The following FRY variants were observed in gnomAD, a reference collection of about 807,000 sequenced individuals.
The protein encoded by FRY is FRY microtubule binding protein, also known as protein furry homolog.
Under a neutral mutation model 348.4 loss-of-function variants are expected in FRY, and 128 were observed. That is an observed-to-expected ratio of 0.37 (90% CI 0.32 to 0.43). The LOEUF (loss-of-function observed/expected upper bound fraction) is 0.43. FRY is among the 20% of genes least tolerant of loss of function. The pLI, the probability that FRY is intolerant of heterozygous loss-of-function variation, is 1.00. For synonymous variants in FRY, 1,370 were observed against 1,374.7 expected (o/e 1.00, Z 0.08); for missense variants, 2,736 against 3,695.2 (o/e 0.74, Z 6.73).
In FRY at chr13:32,221,109, G is replaced by A. The variant is rs559803980; in HGVS notation, c.4765+2278G>A. ...GACCTTTTCCACTGAAACCCTCTTA[G>A]CCACATCCCATGAAAAGTGGGATGT... On this transcript the variant is annotated intron_variant, in intron 36 of 60. Coordinates refer to ENST00000542859, the MANE Select transcript of FRY (RefSeq NM_023037.3). Among the ~76,000 whole-genome samples, 4 of 152,226 alleles carry A rather than the reference G, an allele frequency of 2.6e-5. No homozygotes were observed. The South Asian group carries it at 8.3e-4, about 32-fold the overall frequency.
intron 16 of FRY, among the ~76,000 whole-genome samples, chr13:32,159,682 C>T (rs1881330452): frequency 6.6e-6 from 1 of 152,124 alleles, no homozygotes; most frequent in South Asian, 2.1e-4. Context: ...AGAGTTCGCC[C>T]TTACACTTCA....
At chr13:32,162,935 G>C (rs969214449) in intron 17 of FRY, among the ~76,000 whole-genome samples, 1 of 152,214 alleles carries the variant, frequency 6.6e-6, no homozygotes, top group Non-Finnish European at 1.5e-5. Flanking sequence ...TTCAGGGCAA[G>C]GGGAAGACCT....
chr13:32,149,602 C>A (rs898192621), intron 13 of FRY, 146 bp from the exon 14 acceptor site: 23 of 664,872 alleles, frequency 3.5e-5, no homozygotes, highest in Middle Eastern at 7.8e-4. Context: ...GGTCTTCCTC[C>A]AGGTTCTCTG....
intron 1 of FRY, among the ~76,000 whole-genome samples, chr13:32,050,897 A>G (rs1469306838): frequency 1.3e-5 from 2 of 152,244 alleles, no homozygotes; most frequent in East Asian, 3.8e-4. Context: ...AGTTCTCTGA[A>G]TAAATATTGC....
chr13:32,043,197 C>A (rs1035832948), intron 1 of FRY, among the ~76,000 whole-genome samples: 1 of 152,148 alleles, frequency 6.6e-6, no homozygotes, highest in Non-Finnish European at 1.5e-5. Flanking sequence ...GTATTCACTA[C>A]CACGAGAACA....
Position 32,223,008 on chromosome 13 carries a change from C to T in FRY, c.4766-1227C>T, listed in dbSNP as rs139666832. On this transcript the variant is annotated intron_variant, in intron 36 of 60. Transcript: ENST00000542859. ...TTGCTCTGTCAGCCAGGCTGGAGTG[C>T]AGTGGCATGATCTCGGCTCACTGCA... Among the ~76,000 whole-genome samples the T allele has an allele frequency of 3.6e-3, 554 of 152,212 alleles. 2 individuals carry two copies. The highest frequency in any genetic ancestry group is 0.012 in the African/African-American group (502 of 41,516).
chr13:32,154,602 G>A (rs948150418), intron 14 of FRY, among the ~76,000 whole-genome samples: 1 of 152,152 alleles, frequency 6.6e-6, no homozygotes. Context: ...ACTGTGTTAA[G>A]GATGAAAGTT....
In FRY at chr13:32,168,792, A is replaced by G. The variant is rs1372308403; in HGVS notation, c.1893-2220A>G. ...AACTAAAGAGCTTTTTACCTGATTT[A>G]TATTGTCAAACTGGACCAATTGGTG... On this transcript the variant is annotated intron_variant, in intron 17 of 60. Coordinates refer to ENST00000542859, the MANE Select transcript of FRY (RefSeq NM_023037.3). Among the ~76,000 whole-genome samples the G allele has an allele frequency of 2.6e-5, 4 of 152,216 alleles. No homozygotes were observed. In the East Asian group the frequency reaches 5.8e-4, roughly 22 times the overall value.
chr13:32,075,323 C>G (rs117709779), intron 1 of FRY, among the ~76,000 whole-genome samples: 3,767 of 152,200 alleles, frequency 0.025, 65 homozygotes, highest in Non-Finnish European at 0.038. Flanking sequence ...CAGTCAAAGC[C>G]CTCAAGCCTG....
chr13:32,151,222 G>A (rs1485166337), intron 14 of FRY, among the ~76,000 whole-genome samples: 3 of 152,144 alleles, frequency 2.0e-5, no homozygotes, highest in Admixed American at 6.5e-5. Flanking sequence ...ATGTATTCTT[G>A]GTTCTTTTCT....
At chr13:32,064,407 C>A (rs962241478) in intron 1 of FRY, among the ~76,000 whole-genome samples, 9 of 150,976 alleles carry the variant, frequency 6.0e-5, no homozygotes, top group African/African-American at 1.7e-4. Context: ...ACAGATATGT[C>A]CCCCCTGCAT....
chr13:32,268,690 G>A lies in FRY; in HGVS notation c.8136+1331G>A, dbSNP rs577054028. The stretch of plus-strand genomic sequence containing the variant: ...TCAATTTCCTATTTTTTGGGGGGGT[G>A]GGGAGACAGAATCTTGTTCTGTCGC... On this transcript the variant is annotated intron_variant, in intron 55 of 60. Transcript: ENST00000542859. Among the ~76,000 whole-genome samples, 8 of 149,516 alleles carry A rather than the reference G, an allele frequency of 5.4e-5. No homozygotes were observed. In the South Asian group the frequency reaches 1.7e-3, roughly 32 times the overall value.
At chr13:32,054,497 A>G (rs1461616480) in intron 1 of FRY, among the ~76,000 whole-genome samples, 1 of 152,184 alleles carries the variant, frequency 6.6e-6, no homozygotes, top group Non-Finnish European at 1.5e-5. Context: ...TAGTCTATGT[A>G]TATCAAGTAC....
intron 1 of FRY, among the ~76,000 whole-genome samples, chr13:32,070,797 C>A (rs1254871341): frequency 3.9e-5 from 6 of 152,060 alleles, no homozygotes; most frequent in Non-Finnish European, 5.9e-5. Flanking sequence ...ATGCCTATGT[C>A]CTGAATGGTA....
intron 39 of FRY, among the ~76,000 whole-genome samples, chr13:32,228,042 G>A (rs899392226): frequency 1.1e-4 from 17 of 152,134 alleles, no homozygotes; most frequent in African/African-American, 2.9e-4. Flanking sequence ...GAGCCACCGC[G>A]CCCAGCCCGT....
At chr13:32,144,887 ATG>A (rs1880304914) in intron 11 of FRY, among the ~76,000 whole-genome samples, 2 of 152,160 alleles carry the variant, frequency 1.3e-5, no homozygotes, top group Non-Finnish European at 2.9e-5. Flanking sequence ...TGCTAGATGT[ATG>A]TGTGAGAGTC....
At position 32,239,895 on chromosome 13, in the gene FRY, T is replaced by G. The variant is rs747403468; in HGVS notation, c.6687+14T>G. ...TACCTGGCAGAGGTAAGCTTTTTTTTTTTGTTTTTTGAGACAGGGTCTCAT... is the reference window on the plus strand; with the variant it reads ...TACCTGGCAGAGGTAAGCTTTTTTTGTTTGTTTTTTGAGACAGGGTCTCAT... On this transcript the variant is annotated intron_variant, in intron 46 of 60. Transcript: ENST00000542859. This position sits in a 1 kb window ranked among gnomAD's most constrained non-coding sequence, Gnocchi z 4.3. 15 of 1,612,202 alleles carry G rather than the reference T, an allele frequency of 9.3e-6. No individual in the cohort carries two copies. Among genetic ancestry groups the G allele is most frequent in the South Asian group, 1.1e-5 (1 of 90,920 alleles).
intron 48 of FRY, 72 bp downstream of exon 48, chr13:32,247,574 C>T: frequency 8.4e-7 from 1 of 1,186,826 alleles, no homozygotes. Context: ...AAAGTAGTTG[C>T]CTGGAAAAAA....
chr13:32,060,101 G>A (rs1873856764), intron 1 of FRY, among the ~76,000 whole-genome samples: 1 of 152,166 alleles, frequency 6.6e-6, no homozygotes, highest in African/African-American at 2.4e-5. Flanking sequence ...AATTTACCCT[G>A]AGTAAATCAA....
Sources: allele counts gnomAD v4.1 joint callset (sites outside exome capture counted in the v4.1 genomes callset), GRCh38; gene constraint gnomAD v4.1.1; non-coding constraint Gnocchi (gnomAD v3.1); transcripts MANE v1.5; gene names NCBI Gene and HGNC (gene_info 2026-07-23, HGNC 2026-07-21).